PPP1R36: variants seen among roughly 807,000 people sequenced by gnomAD.
PPP1R36 encodes the protein protein phosphatase 1 regulatory subunit 36.
A neutral mutation model predicts 53.4 loss-of-function variants in PPP1R36; 47 were observed. That is an observed-to-expected ratio of 0.88 (90% CI 0.70 to 1.12). PPP1R36 has a LOEUF of 1.12. Among genes scored for constraint, PPP1R36 ranks in the 50% most tolerant of loss-of-function variants. PPP1R36 has a pLI of 0.00. For synonymous variants in PPP1R36, 153 were observed against 170.5 expected, an observed-to-expected ratio of 0.90 and a Z score of 0.80; for missense variants, 456 against 513.9, an observed-to-expected ratio of 0.89 and a Z score of 1.09.
At chr14:64,573,499 A>G (rs1470247101) in intron 7 of PPP1R36, among the ~76,000 whole-genome samples, 2 of 152,244 alleles carry the variant, frequency 1.3e-5, no homozygotes, top group Non-Finnish European at 2.9e-5. Flanking sequence ...GGAAAATAGC[A>G]GGAAAGTAGG....
At chr14:64,560,352 G>A (rs2080196588) in intron 3 of PPP1R36, among the ~76,000 whole-genome samples, 1 of 149,706 alleles carries the variant, frequency 6.7e-6, no homozygotes. Flanking sequence ...TGAAGTGGGA[G>A]AATCATCTGG....
At chr14:64,565,093 CCAGAA>C (rs1195860003) in intron 4 of PPP1R36, among the ~76,000 whole-genome samples, 1 of 152,156 alleles carries the variant, frequency 6.6e-6, no homozygotes, top group African/African-American at 2.4e-5. Flanking sequence ...GATAGGTACA[CCAGAA>C]CAGATGATTT....
Position 64,561,733 on chromosome 14 carries a change from G to A in PPP1R36, c.183-3018G>A, listed in dbSNP as rs190353769. The A allele has an allele frequency of 2.2e-5, 10 of 455,450 alleles. No homozygotes were observed. The East Asian group carries it at 5.6e-4, about 25-fold the overall frequency. The allele number at this position is 455,450 out of a possible 1,614,324, so 28.2% of individuals were successfully genotyped here. A position where few individuals can be genotyped will look rare whatever the true frequency, so the allele number is the denominator to read the frequency against. On this transcript the variant is annotated intron_variant, in intron 3 of 11. Coordinates refer to ENST00000298705, the MANE Select transcript of PPP1R36 (RefSeq NM_172365.3). ...AGGCATCATCTAGGTTGGCCCATGA[G>A]GCAGACTTTTCTCTCTGACATAGTA...
intron 8 of PPP1R36, among the ~76,000 whole-genome samples, chr14:64,582,260 G>C (rs2140247043): frequency 6.6e-6 from 1 of 152,186 alleles, no homozygotes; most frequent in East Asian, 1.9e-4. Context: ...TAGAGCAGCA[G>C]GGGGCAAGTG....
At chr14:64,567,537 G>T (rs945925024) in intron 6 of PPP1R36, among the ~76,000 whole-genome samples, 4 of 152,060 alleles carry the variant, frequency 2.6e-5, no homozygotes, top group African/African-American at 7.3e-5. Context: ...ATAGTATTAC[G>T]CCACTTATTA....
chr14:64,581,854 T>A (rs1192189203), intron 8 of PPP1R36, among the ~76,000 whole-genome samples: 1 of 152,232 alleles, frequency 6.6e-6, no homozygotes, highest in Non-Finnish European at 1.5e-5. Flanking sequence ...CTGAAAGCTT[T>A]GGCAGAATTT....
intron 3 of PPP1R36, among the ~76,000 whole-genome samples, chr14:64,562,936 G>A (rs1046339282): frequency 6.6e-6 from 1 of 151,864 alleles, no homozygotes; most frequent in African/African-American, 2.4e-5. Flanking sequence ...GCATGATCTC[G>A]GCTCACTGCA....
At chr14:64,568,495 T>C (rs201854105) in intron 7 of PPP1R36, 48 bp downstream of exon 7, 3 of 834,390 alleles carry the variant, frequency 3.6e-6, no homozygotes, top group East Asian at 2.7e-5. Context: ...ACTGCCAGTA[T>C]TAAAAGTAAC....
At chr14:64,573,039 C>T (rs939788549) in intron 7 of PPP1R36, among the ~76,000 whole-genome samples, 1 of 152,044 alleles carries the variant, frequency 6.6e-6, no homozygotes, top group Non-Finnish European at 1.5e-5. Context: ...TTCATGGAGT[C>T]AGTCCAATGG....
At chr14:64,581,876 T>G (rs920869173) in intron 8 of PPP1R36, among the ~76,000 whole-genome samples, 6 of 152,204 alleles carry the variant, frequency 3.9e-5, no homozygotes, top group African/African-American at 1.4e-4. Context: ...GATGAACACG[T>G]TCAGTAAAAG....
At chr14:64,585,591 AG>A (rs2140250951) in intron 8 of PPP1R36, among the ~76,000 whole-genome samples, 1 of 150,822 alleles carries the variant, frequency 6.6e-6, no homozygotes, top group South Asian at 2.1e-4. Flanking sequence ...TGTGAGGCTG[AG>A]GTGGGTACCA....
intron 3 of PPP1R36, chr14:64,561,889 T>G: frequency 2.2e-6 from 1 of 453,914 alleles, no homozygotes; most frequent in Non-Finnish European, 4.4e-6. Context: ...CCCTACTCTT[T>G]CGTCATGGCC....
intron 3 of PPP1R36, among the ~76,000 whole-genome samples, chr14:64,558,639 C>CT (rs200431215): frequency 0.19 from 26,799 of 143,248 alleles, 2,554 homozygotes; most frequent in Non-Finnish European, 0.22. Flanking sequence ...TTTGTTTTGT[C>CT]TTTTTTTTTT....
At chr14:64,551,486 TG>T (rs1311093997) in intron 2 of PPP1R36, 2 of 337,922 alleles carry the variant, frequency 5.9e-6, no homozygotes, top group African/African-American at 4.3e-5. Flanking sequence ...CTAATCTCTA[TG>T]AAAAAAGACA....
At chr14:64,562,900 C>G (rs1399953620) in intron 3 of PPP1R36, among the ~76,000 whole-genome samples, 1 of 151,986 alleles carries the variant, frequency 6.6e-6, no homozygotes, top group Admixed American at 6.6e-5. Flanking sequence ...GAGTTTCACT[C>G]TTGTTGCCCA....
intron 9 of PPP1R36, 33 bp downstream of exon 9, chr14:64,586,912 T>C (rs778402379): frequency 5.8e-6 from 9 of 1,561,370 alleles, no homozygotes; most frequent in Non-Finnish European, 5.3e-6. Flanking sequence ...CTTTTTGATA[T>C]GAAACAATAT....
intron 8 of PPP1R36, among the ~76,000 whole-genome samples, chr14:64,576,031 T>C (rs926359307): frequency 1.5e-4 from 23 of 151,968 alleles, no homozygotes; most frequent in African/African-American, 5.3e-4. Context: ...TTTTTGATAG[T>C]TTAAAGGTGT....
chr14:64,565,119 T>C (rs2080239293), intron 4 of PPP1R36, among the ~76,000 whole-genome samples: 1 of 152,262 alleles, frequency 6.6e-6, no homozygotes, highest in African/African-American at 2.4e-5. Flanking sequence ...AAATGATCTA[T>C]TTTGGATGGT....
Position 64,552,828 on chromosome 14 carries a change from A to C in PPP1R36, c.149A>C (p.Asp50Ala). The C allele has an allele frequency of 6.2e-7, 1 of 1,613,938 alleles. No homozygotes were observed. Among genetic ancestry groups the C allele is most frequent in the Non-Finnish European group, 8.5e-7 (1 of 1,179,820 alleles). Reference sequence around the variant, plus strand: ...TTCTTTCTCAGGTTTGCCGCAGAAGATTCTGTCCAGTGGCTCCTGAAACAT... The same window carrying C: ...TTCTTTCTCAGGTTTGCCGCAGAAGCTTCTGTCCAGTGGCTCCTGAAACAT... ...TLEFRRFAAE[D>A]SVQWLLKHHP... The change falls in exon 3 of 12, where the codon GAT (aspartate) becomes GCT (alanine). Residue 50 changes from aspartate (D) to alanine (A), a missense_variant. Transcript: ENST00000298705.
Sources: gnomAD v4.1 joint callset for allele counts (sites outside exome capture counted in the v4.1 genomes callset) on GRCh38, gnomAD v4.1.1 for gene constraint, MANE v1.5 for transcripts, NCBI Gene and HGNC (gene_info 2026-07-23, HGNC 2026-07-21) for gene names.